LRP1B: variants seen among roughly 807,000 people sequenced by gnomAD.
LRP1B encodes the protein low-density lipoprotein receptor-related protein 1B.
In LRP1B, 217 loss-of-function variants were observed where a neutral mutation model predicts 556.6. The observed-to-expected ratio is 0.39, with a 90% CI of 0.35 to 0.44. The LOEUF is 0.44. Among genes scored for constraint, LRP1B ranks in the 20% least tolerant of loss-of-function variants. The pLI, the probability that LRP1B is intolerant of heterozygous loss-of-function variation, is 1.00. For synonymous variants in LRP1B, 2,047 were observed against 1,865.8 expected (o/e 1.10, Z -2.50); for missense variants, 5,053 against 5,620.8 (o/e 0.90, Z 3.23).
chr2:141,160,711 A>T (rs940774395), intron 7 of LRP1B, among the ~76,000 whole-genome samples: 1 of 152,116 alleles, frequency 6.6e-6, no homozygotes, highest in Non-Finnish European at 1.5e-5. Context: ...GTAAAAAAAT[A>T]CAGTGAAAAA....
intron 41 of LRP1B, among the ~76,000 whole-genome samples, chr2:140,613,751 C>T (rs1310592130): frequency 6.6e-6 from 1 of 151,920 alleles, no homozygotes; most frequent in South Asian, 2.1e-4. Context: ...GACCCTAGTC[C>T]CCTTTAATGT....
chr2:141,432,422 G>C (rs1680595810), intron 3 of LRP1B, among the ~76,000 whole-genome samples: 1 of 151,892 alleles, frequency 6.6e-6, no homozygotes, highest in South Asian at 2.1e-4. Flanking sequence ...GTTTTTATCT[G>C]GTTTTGAAAT....
At chr2:141,696,573 C>G (rs1191002880) in intron 2 of LRP1B, among the ~76,000 whole-genome samples, 1 of 151,832 alleles carries the variant, frequency 6.6e-6, no homozygotes, top group Non-Finnish European at 1.5e-5. Context: ...CTCTGAATAC[C>G]AGATGCTTCT....
At chr2:140,797,754 G>A (rs1026795399) in intron 32 of LRP1B, among the ~76,000 whole-genome samples, 6 of 151,966 alleles carry the variant, frequency 3.9e-5, no homozygotes, top group African/African-American at 1.4e-4. Flanking sequence ...CTAGAATAAA[G>A]GTTCTGTAGA....
At chr2:141,530,035 T>C (rs966542872) in intron 2 of LRP1B, among the ~76,000 whole-genome samples, 6 of 152,110 alleles carry the variant, frequency 3.9e-5, no homozygotes, top group Admixed American at 1.3e-4. Context: ...TTGTGAACGA[T>C]TAAGGTGAAA....
rs754661643 is a variant in LRP1B, at chr2:140,444,543, T to C, written c.10174+20A>G. The C allele has an allele frequency of 8.1e-6, 13 of 1,611,542 alleles. No individual in the cohort carries two copies. Among genetic ancestry groups the C allele is most frequent in the Middle Eastern group, 3.3e-4 (2 of 6,040 alleles). ...TGAAAATTAGACTTATGTTCATTAG[T>C]TAGGAATTTAATCACCTACCACAGT... On this transcript the variant is annotated intron_variant, in intron 64 of 90. Coordinates refer to ENST00000389484, the MANE Select transcript of LRP1B (RefSeq NM_018557.3).
chr2:141,737,956 G>GTCTTTAA (rs1485150828), intron 2 of LRP1B, among the ~76,000 whole-genome samples: 1 of 151,854 alleles, frequency 6.6e-6, no homozygotes, highest in Non-Finnish European at 1.5e-5. Flanking sequence ...AACTAGCCAC[G>GTCTTTAA]TCTTTAATCT....
chr2:141,865,374 C>T (rs1350622458), intron 1 of LRP1B, among the ~76,000 whole-genome samples: 2 of 151,822 alleles, frequency 1.3e-5, no homozygotes, highest in African/African-American at 2.4e-5. Flanking sequence ...GGGCGGATCA[C>T]GAGGTCAGGA....
At chr2:141,315,882 CTTTTTTTTTTTTTTTT>C (rs70991157) in intron 3 of LRP1B, among the ~76,000 whole-genome samples, 7 of 18,142 alleles carry the variant, frequency 3.9e-4, no homozygotes, top group East Asian at 1.8e-3. Flanking sequence ...TTAGTCTGGT[CTTTTTTTTTTTTTTTT>C]TTTTTTTTTT....
intron 3 of LRP1B, among the ~76,000 whole-genome samples, chr2:141,373,113 A>C (rs112105554): frequency 2.6e-5 from 4 of 152,242 alleles, no homozygotes; most frequent in African/African-American, 9.6e-5. Flanking sequence ...TTATCATTCA[A>C]GAGCATGATG....
intron 18 of LRP1B, among the ~76,000 whole-genome samples, chr2:140,957,064 G>A (rs572948688): frequency 1.1e-3 from 163 of 151,578 alleles, no homozygotes; most frequent in Middle Eastern, 3.4e-3. Context: ...AATCTACTAG[G>A]GAAGACATTT....
chr2:140,989,707 GT>G, intron 16 of LRP1B, 50 bp from the exon 17 acceptor site: 1 of 1,589,162 alleles, frequency 6.3e-7, no homozygotes, highest in Non-Finnish European at 8.6e-7. Context: ...GGATAAAGTT[GT>G]GAATATTTTG....
At chr2:141,183,987 T>C (rs1457342689) in intron 7 of LRP1B, among the ~76,000 whole-genome samples, 2 of 152,020 alleles carry the variant, frequency 1.3e-5, no homozygotes, top group African/African-American at 4.8e-5. Context: ...GTCTCAAGTA[T>C]AGTGTGATGA....
chr2:141,028,859 T>C (rs1698288453), intron 11 of LRP1B, among the ~76,000 whole-genome samples: 2 of 152,232 alleles, frequency 1.3e-5, no homozygotes, highest in South Asian at 2.1e-4. Context: ...CTCTTACCTA[T>C]TGAAGCTTAC....
intron 1 of LRP1B, among the ~76,000 whole-genome samples, chr2:142,050,938 A>G (rs548795305): frequency 1.4e-4 from 21 of 152,300 alleles, no homozygotes; most frequent in African/African-American, 4.6e-4. Context: ...AAATATCACC[A>G]GGAAAAAGAG....
At position 141,239,275 on chromosome 2, in the gene LRP1B, G is replaced by A. The variant is rs58984995; in HGVS notation, c.592+7951C>T. Among the ~76,000 whole-genome samples, 734 of 152,160 alleles carry A rather than the reference G, an allele frequency of 4.8e-3. 6 individuals are homozygous for A. Among genetic ancestry groups the A allele is most frequent in the African/African-American group, 0.017 (704 of 41,536 alleles). ...CGATAGTCAACTAATTAGGCAATGG[G>A]AGGTCACTGAAGCCCTTGGCAATAG... On this transcript the variant is annotated intron_variant, in intron 5 of 90. Transcript: ENST00000389484.
At chr2:141,299,383 A>G (rs1686303909) in intron 3 of LRP1B, among the ~76,000 whole-genome samples, 1 of 152,224 alleles carries the variant, frequency 6.6e-6, no homozygotes, top group Non-Finnish European at 1.5e-5. Context: ...TAATGGTAAC[A>G]TATCTAGGTA....
At chr2:140,600,767 G>GTTTTTTTGTT (rs1682625754) in intron 42 of LRP1B, among the ~76,000 whole-genome samples, 1 of 56,910 alleles carries the variant, frequency 1.8e-5, no homozygotes, top group South Asian at 4.7e-4. Flanking sequence ...GTTCTTCGGG[G>GTTTTTTTGTT]TTTTTTTTTT....
chr2:141,676,735 C>T (rs1200307902), intron 2 of LRP1B, among the ~76,000 whole-genome samples: 1 of 152,076 alleles, frequency 6.6e-6, no homozygotes, highest in Non-Finnish European at 1.5e-5. Flanking sequence ...ATGAAACTTT[C>T]CCTTAGAGTA....
Sources: gnomAD v4.1 joint callset for allele counts (sites outside exome capture counted in the v4.1 genomes callset) on GRCh38, gnomAD v4.1.1 for gene constraint, MANE v1.5 for transcripts, NCBI Gene and HGNC (gene_info 2026-07-23, HGNC 2026-07-21) for gene names.